Variants in GRM8 observed in about 807,000 individuals in gnomAD.
The protein encoded by GRM8 is glutamate metabotropic receptor 8.
GRM8 carries 47 observed loss-of-function variants against 87.2 expected under a neutral mutation model. That is an observed-to-expected ratio of 0.54 (90% CI 0.43 to 0.69). GRM8 has a LOEUF of 0.69. GRM8 is among the 30% of genes least tolerant of loss of function. The pLI is 0.00. For missense variants in GRM8, 1,019 were observed against 1,139.2 expected (o/e 0.89, Z 1.52); for synonymous variants, 396 against 404.5 (o/e 0.98, Z 0.25).
At chr7:126,704,715 C>G (rs561844820) in intron 7 of GRM8, among the ~76,000 whole-genome samples, 45 of 152,204 alleles carry the variant, frequency 3.0e-4, no homozygotes, top group Non-Finnish European at 6.2e-4. Context: ...GCCCCAGTCT[C>G]CCATAGCACT....
chr7:127,047,007 C>T (rs989886361), intron 3 of GRM8, among the ~76,000 whole-genome samples: 6 of 152,196 alleles, frequency 3.9e-5, no homozygotes, highest in South Asian at 2.1e-4. Context: ...TAGGTCTTGA[C>T]GAAGGCATTT....
chr7:127,122,840 T>C (rs1159669179), intron 2 of GRM8, among the ~76,000 whole-genome samples: 2 of 152,088 alleles, frequency 1.3e-5, no homozygotes, highest in East Asian at 3.9e-4. Context: ...AAAGACTTTT[T>C]GGGAGAGGGA....
chr7:126,617,110 C>T (rs1223621287), intron 7 of GRM8, among the ~76,000 whole-genome samples: 1 of 152,108 alleles, frequency 6.6e-6, no homozygotes, highest in South Asian at 2.1e-4. Context: ...TGATGAACAT[C>T]GCTGTGAAAA....
intron 8 of GRM8, among the ~76,000 whole-genome samples, chr7:126,537,306 T>A (rs1316066737): frequency 2.6e-5 from 4 of 152,208 alleles, no homozygotes; most frequent in East Asian, 1.9e-4. Flanking sequence ...TTAATTTTCA[T>A]CAAGGAATCT....
intron 2 of GRM8, among the ~76,000 whole-genome samples, chr7:127,185,362 A>G (rs1316832990): frequency 6.6e-6 from 1 of 152,158 alleles, no homozygotes; most frequent in African/African-American, 2.4e-5. Flanking sequence ...TTCAATGGAA[A>G]AAGAGAGTAT....
chr7:126,996,201 T>A (rs1046316104), intron 3 of GRM8, among the ~76,000 whole-genome samples: 4 of 152,050 alleles, frequency 2.6e-5, no homozygotes, highest in African/African-American at 9.7e-5. Context: ...AAAGAAAGGT[T>A]AATGGGAGTT....
chr7:126,635,623 A>G (rs1367275750), intron 7 of GRM8, among the ~76,000 whole-genome samples: 1 of 152,056 alleles, frequency 6.6e-6, no homozygotes, highest in African/African-American at 2.4e-5. Context: ...TTCTGTTATG[A>G]GTCTCATATT....
At chr7:126,500,249 C>G (rs758433124) in intron 9 of GRM8, among the ~76,000 whole-genome samples, 8 of 151,930 alleles carry the variant, frequency 5.3e-5, no homozygotes, top group Non-Finnish European at 1.2e-4. Flanking sequence ...GCCCCCTCAA[C>G]CTCTGGTAAC....
chr7:126,822,695 A>G (rs1251476645), intron 6 of GRM8, among the ~76,000 whole-genome samples: 2 of 151,868 alleles, frequency 1.3e-5, no homozygotes, highest in Non-Finnish European at 1.5e-5. Flanking sequence ...CTCAGCCTCA[A>G]AGTATCTGGA....
chr7:126,505,448 C>G (rs1810307340), intron 9 of GRM8, among the ~76,000 whole-genome samples: 1 of 152,036 alleles, frequency 6.6e-6, no homozygotes, highest in South Asian at 2.1e-4. Flanking sequence ...CTAATTCAGA[C>G]AAGTGGTGGC....
In GRM8 at chr7:126,901,615, G is replaced by C. The variant is rs187839011; in HGVS notation, c.1156+927C>G. ...TTTTAGTATATTACATCTTTTATTT[G>C]AACAGCTATTTCCAAAGAAAGTGAG... is the stretch of plus-strand genomic sequence containing the variant. On this transcript the variant is annotated intron_variant, in intron 6 of 10. Transcript: ENST00000339582. 1.7e-3 allele frequency among the ~76,000 whole-genome samples: 261 copies of C among 152,034 alleles called. 1 individual carries two copies. The highest frequency in any genetic ancestry group is 3.1e-3 in the Non-Finnish European group (211 of 67,990).
chr7:126,893,784 G>C (rs1205282967), intron 6 of GRM8, among the ~76,000 whole-genome samples: 2 of 151,930 alleles, frequency 1.3e-5, no homozygotes, highest in African/African-American at 4.8e-5. Context: ...CGGTAGTCTT[G>C]ATTTCTCAAT....
intron 8 of GRM8, among the ~76,000 whole-genome samples, chr7:126,593,997 C>T (rs529990600): frequency 4.4e-4 from 67 of 151,890 alleles, no homozygotes; most frequent in Non-Finnish European, 8.0e-4. Flanking sequence ...TGAAAAAACG[C>T]CCAACATCAC....
chr7:126,611,170 A>G (rs890427586), intron 7 of GRM8, among the ~76,000 whole-genome samples: 15 of 152,208 alleles, frequency 9.9e-5, no homozygotes, highest in Admixed American at 1.3e-4. Flanking sequence ...TCTCCAATCA[A>G]GCAGTACTAT....
intron 3 of GRM8, among the ~76,000 whole-genome samples, chr7:127,022,937 C>A (rs959790745): frequency 1.3e-5 from 2 of 151,980 alleles, no homozygotes; most frequent in African/African-American, 4.8e-5. Context: ...TTTTAAATAC[C>A]TAGCAAGATG....
At chr7:126,440,952 C>T (rs998382635) in intron 10 of GRM8, among the ~76,000 whole-genome samples, 10 of 151,910 alleles carry the variant, frequency 6.6e-5, no homozygotes, top group African/African-American at 2.4e-4. Flanking sequence ...TATAAAAGTG[C>T]TAATCTTTAA....
intron 3 of GRM8, among the ~76,000 whole-genome samples, chr7:127,034,884 T>C (rs562411414): frequency 6.6e-6 from 1 of 152,258 alleles, no homozygotes; most frequent in East Asian, 1.9e-4. Context: ...CTCTGAACTT[T>C]CACTCAAGCC....
intron 8 of GRM8, among the ~76,000 whole-genome samples, chr7:126,548,124 T>C (rs1181113649): frequency 2.0e-5 from 3 of 151,678 alleles, no homozygotes; most frequent in African/African-American, 4.8e-5. Context: ...GGAGAGACTC[T>C]CTAAGAACAT....
intron 7 of GRM8, among the ~76,000 whole-genome samples, chr7:126,765,955 T>C (rs1000048944): frequency 1.4e-4 from 21 of 152,234 alleles, no homozygotes; most frequent in South Asian, 6.2e-4. Context: ...TAAACCACCA[T>C]TGTAGCTTAT....
Sources: allele counts gnomAD v4.1 joint callset (sites outside exome capture counted in the v4.1 genomes callset), GRCh38; gene constraint gnomAD v4.1.1; transcripts MANE v1.5; gene names NCBI Gene and HGNC (gene_info 2026-07-23, HGNC 2026-07-21).